The following JAKMIP3 variants were observed in gnomAD, a reference collection of about 807,000 sequenced individuals.
JAKMIP3 encodes Janus kinase and microtubule interacting protein 3.
A neutral mutation model predicts 118.5 loss-of-function variants in JAKMIP3; 58 were observed. The observed-to-expected ratio is 0.49, with a 90% CI of 0.40 to 0.61. JAKMIP3 has a LOEUF of 0.61. JAKMIP3 is among the 20% of genes least tolerant of loss of function. The probability of loss-of-function intolerance (pLI) is 0.00; values close to 1 mark genes in which losing one functional copy is unlikely to be tolerated. For missense variants in JAKMIP3, 950 were observed against 1,109.0 expected (o/e 0.86, Z 2.04); for synonymous variants, 486 against 451.2 (o/e 1.08, Z -0.98).
chr10:132,128,123 CT>C (rs1328662975), intron 3 of JAKMIP3, among the ~76,000 whole-genome samples: 3 of 152,222 alleles, frequency 2.0e-5, no homozygotes, highest in African/African-American at 7.2e-5. Context: ...ACGCTCTCTA[CT>C]TTTGTCTAAG....
At chr10:132,092,596 G>T (rs1049022390) in intron 1 of JAKMIP3, among the ~76,000 whole-genome samples, 2 of 152,120 alleles carry the variant, frequency 1.3e-5, no homozygotes, top group Non-Finnish European at 2.9e-5. Context: ...CGTAGTTCTC[G>T]TGCCATGTTT....
chr10:132,051,962 G>C (rs1325868128), intron 1 of JAKMIP3, among the ~76,000 whole-genome samples: 2 of 152,196 alleles, frequency 1.3e-5, no homozygotes, highest in African/African-American at 4.8e-5. Context: ...AGGTGTGGTG[G>C]CTCACACCCA....
chr10:132,051,536 G>A (rs564209936), intron 1 of JAKMIP3, among the ~76,000 whole-genome samples: 83 of 152,210 alleles, frequency 5.5e-4, no homozygotes, highest in African/African-American at 1.9e-3. Flanking sequence ...CTTTTGTGAA[G>A]TGCCTGTTGG....
intron 19 of JAKMIP3, among the ~76,000 whole-genome samples, chr10:132,161,129 A>G (rs374688769): frequency 0.014 from 156 of 10,904 alleles, no homozygotes; most frequent in African/African-American, 0.025. Flanking sequence ...TGTCTTATTG[A>G]GGGGGCCTCT....
chr10:132,180,568 C>CGTGCGTGCGT lies in JAKMIP3; in HGVS notation c.*1104-1786_*1104-1785insCGTGCGTGTG, dbSNP rs2060769812. ...GTGCGTGCGTGCATGCGTGTGTGTG[C>CGTGCGTGCGT]GTGTGTGTGTGCGTGCGCGTGTGTG... On this transcript the variant is annotated intron_variant, in intron 23 of 23. Transcript: ENST00000684848. 1.4e-3 allele frequency among the ~76,000 whole-genome samples: 31 copies of CGTGCGTGCGT among 22,314 alleles called. 10 individuals carry two copies. The highest frequency in any genetic ancestry group is 8.9e-3 in the African/African-American group (31 of 3,486). The allele number at this position is 22,314 out of a possible 152,430, so 14.6% of individuals were successfully genotyped here. A position where few individuals can be genotyped will look rare whatever the true frequency, so the allele number is the denominator to read the frequency against.
intron 1 of JAKMIP3, among the ~76,000 whole-genome samples, chr10:132,074,961 T>C (rs1439589706): frequency 1.3e-5 from 2 of 152,202 alleles, no homozygotes; most frequent in African/African-American, 4.8e-5. Context: ...ATGTTTTTGT[T>C]GACTTTGTTG....
chr10:132,095,198 A>C (rs1168155170), intron 1 of JAKMIP3, among the ~76,000 whole-genome samples: 1 of 152,072 alleles, frequency 6.6e-6, no homozygotes, highest in Admixed American at 6.5e-5. Flanking sequence ...CTACCTGTGG[A>C]GTCTGTCACT....
At chr10:132,092,244 C>T (rs911415558) in intron 1 of JAKMIP3, among the ~76,000 whole-genome samples, 17 of 152,054 alleles carry the variant, frequency 1.1e-4, no homozygotes, top group African/African-American at 3.9e-4. Context: ...AATTATGTGT[C>T]TTGGAGTTGC....
rs1221355281 is a variant in JAKMIP3 at position 132,099,231 on chromosome 10, C to T, written c.-137-5441C>T. Among the ~76,000 whole-genome samples the T allele has an allele frequency of 3.3e-5, 5 of 152,192 alleles. 1 individual carries two copies. The East Asian group carries it at 5.8e-4, about 18-fold the overall frequency. ...AAAGCTCTAAGGGGGCCAGCCTCCT[C>T]GTCAGCGACACTGAGGTTCACTGTG... On this transcript the variant is annotated intron_variant, in intron 1 of 23. Transcript: ENST00000684848.
At chr10:132,054,532 G>A (rs1000653149) in intron 1 of JAKMIP3, among the ~76,000 whole-genome samples, 12 of 152,308 alleles carry the variant, frequency 7.9e-5, no homozygotes, top group Admixed American at 2.0e-4. Context: ...GGTGGGGTGT[G>A]TATGAGTCTG....
At chr10:132,059,904 G>C (rs1461855436), upstream of JAKMIP3, among the ~76,000 whole-genome samples, 2 of 152,238 alleles carry the variant, frequency 1.3e-5, no homozygotes, top group Non-Finnish European at 2.9e-5. Context: ...TTCAATCTGG[G>C]TTGCTGGAAA....
intron 3 of JAKMIP3, among the ~76,000 whole-genome samples, chr10:132,122,791 T>G (rs2048780968): frequency 6.6e-6 from 1 of 152,212 alleles, no homozygotes; most frequent in African/African-American, 2.4e-5. Flanking sequence ...GCTGGGCTGC[T>G]GGAGAAGCTG....
In JAKMIP3 at chr10:132,163,386, A is replaced by AT. The variant is rs1300429666; in HGVS notation, c.2399dup (p.Met800IlefsTer12). On this transcript the variant is annotated frameshift_variant, in exon 20 of 24. Coordinates refer to ENST00000684848, the MANE Select transcript of JAKMIP3 (RefSeq NM_001323087.2). LOFTEE classifies it high-confidence loss of function. ...GGACGCCCAGATCCTGCGGGAGCGC[A>AT]TGGAGCTGCTGCAGCTGGCTCAGCA... 1 of 1,604,280 alleles carries AT rather than the reference A, an allele frequency of 6.2e-7. No homozygotes were observed. The highest frequency in any genetic ancestry group is 8.5e-7 in the Non-Finnish European group (1 of 1,178,956).
chr10:132,055,598 G>T (rs567564094), intron 1 of JAKMIP3, among the ~76,000 whole-genome samples: 1 of 152,180 alleles, frequency 6.6e-6, no homozygotes, highest in Non-Finnish European at 1.5e-5. Context: ...CAGTTTGCCC[G>T]CCGGCAAGCA....
chr10:132,064,842 G>A (rs2038584890), upstream of JAKMIP3, among the ~76,000 whole-genome samples: 1 of 152,136 alleles, frequency 6.6e-6, no homozygotes, highest in Non-Finnish European at 1.5e-5. The surrounding 1 kb of genome is among the most constrained non-coding windows in gnomAD (Gnocchi z 4.4). Context: ...TGTTATCATC[G>A]GCGTTCACTC....
At chr10:132,120,048 C>A (rs776501014) in intron 3 of JAKMIP3, among the ~76,000 whole-genome samples, 1 of 152,202 alleles carries the variant, frequency 6.6e-6, no homozygotes, top group Non-Finnish European at 1.5e-5. Flanking sequence ...GTAGAATAGC[C>A]TAGTCAGAGA....
chr10:132,154,467 T>C (rs1439039793), intron 19 of JAKMIP3, among the ~76,000 whole-genome samples: 1 of 152,218 alleles, frequency 6.6e-6, no homozygotes, highest in Non-Finnish European at 1.5e-5. Flanking sequence ...GGTTGAAAAC[T>C]AGGCTTCAGA....
chr10:132,065,621 G>A (rs1288145345), upstream of JAKMIP3, among the ~76,000 whole-genome samples: 2 of 152,108 alleles, frequency 1.3e-5, no homozygotes, highest in African/African-American at 2.4e-5. The surrounding 1 kb of genome is among the most constrained non-coding windows in gnomAD (Gnocchi z 5.6). Flanking sequence ...GGGCCAACCC[G>A]GAGCCCAGGC....
chr10:132,099,762 C>T (rs1564895149), intron 1 of JAKMIP3, among the ~76,000 whole-genome samples: 1 of 152,192 alleles, frequency 6.6e-6, no homozygotes, highest in Non-Finnish European at 1.5e-5. Context: ...CAGGCCAGTC[C>T]CCTGGGCACC....
Sources: allele counts gnomAD v4.1 joint callset (sites outside exome capture counted in the v4.1 genomes callset), GRCh38; gene constraint gnomAD v4.1.1; non-coding constraint Gnocchi (gnomAD v3.1); transcripts MANE v1.5; gene names NCBI Gene and HGNC (gene_info 2026-07-23, HGNC 2026-07-21).